Variants in PLAAT5 observed in about 807,000 individuals in gnomAD.
The protein encoded by PLAAT5 is phospholipase A and acyltransferase 5.
Under a neutral mutation model 27.8 loss-of-function variants are expected in PLAAT5, and 27 were observed. The ratio of observed to expected loss-of-function variants is 0.97; its 90% CI spans 0.72 to 1.34. The LOEUF is 1.34. Among genes scored for constraint, PLAAT5 ranks in the 40% most tolerant of loss-of-function variants. The pLI, the probability that PLAAT5 is intolerant of heterozygous loss-of-function variation, is 0.00. For synonymous variants in PLAAT5, 125 were observed against 136.1 expected (o/e 0.92, Z 0.57); for missense variants, 368 against 343.8 (o/e 1.07, Z -0.56).
intron 1 of PLAAT5, 37 bp downstream of exon 1, chr11:63,490,850 T>C (rs1461654477): frequency 4.5e-6 from 7 of 1,568,828 alleles, no homozygotes; most frequent in South Asian, 1.2e-5. Flanking sequence ...TGAAGGACAA[T>C]TGCGGATTGT....
At chr11:63,467,680 T>C (rs2120222837) in intron 4 of PLAAT5, among the ~76,000 whole-genome samples, 1 of 152,216 alleles carries the variant, frequency 6.6e-6, no homozygotes, top group Middle Eastern at 3.4e-3. Flanking sequence ...AGGCCTCATC[T>C]CCTGAGATAA....
intron 3 of PLAAT5, among the ~76,000 whole-genome samples, chr11:63,478,552 ACCTGC>A (rs2016208081): frequency 6.6e-6 from 1 of 152,160 alleles, no homozygotes; most frequent in Non-Finnish European, 1.5e-5. Context: ...CAATCTCCTG[ACCTGC>A]CCGCCTTGGC....
At chr11:63,479,815 C>G (rs2016241808) in intron 3 of PLAAT5, among the ~76,000 whole-genome samples, 1 of 152,180 alleles carries the variant, frequency 6.6e-6, no homozygotes, top group Non-Finnish European at 1.5e-5. Flanking sequence ...CGCCAGAGCT[C>G]AAATCAATCC....
chr11:63,481,944 A>G (rs2016297587), intron 3 of PLAAT5, among the ~76,000 whole-genome samples: 1 of 152,248 alleles, frequency 6.6e-6, no homozygotes, highest in Non-Finnish European at 1.5e-5. Context: ...ATTAGGAGAC[A>G]TACCTAATGC....
intron 3 of PLAAT5, among the ~76,000 whole-genome samples, chr11:63,474,035 C>A (rs2016095457): frequency 1.3e-5 from 2 of 152,134 alleles, no homozygotes; most frequent in Admixed American, 6.5e-5. Context: ...GGGTGTTACA[C>A]CAAACTTGCA....
intron 3 of PLAAT5, chr11:63,469,830 T>C (rs1276264876): frequency 6.5e-6 from 1 of 153,336 alleles, no homozygotes; most frequent in East Asian, 1.9e-4. Context: ...CTCACACTTT[T>C]AATACTAGCA....
At position 63,490,602 on chromosome 11, in the gene PLAAT5, C is replaced by T. The variant is rs2016540292; in HGVS notation, c.149-269G>A. On this transcript the variant is annotated intron_variant, in intron 1 of 5. Transcript: ENST00000540857. Reference sequence around the variant, plus strand: ...GGGCGCCTCGCCTCTATCCTAAGCCCGATGGGAGGAACCTCTGCCGAGCCA... The same window carrying T: ...GGGCGCCTCGCCTCTATCCTAAGCCTGATGGGAGGAACCTCTGCCGAGCCA... The T allele has an allele frequency of 6.5e-6, 4 of 615,958 alleles. No homozygotes were observed. In the South Asian group the frequency reaches 8.1e-5, roughly 12 times the overall value. 38.2% of individuals were successfully genotyped at this position (615,958 alleles called of 1,614,324 possible).
chr11:63,467,238 C>A (rs571435134), intron 4 of PLAAT5, among the ~76,000 whole-genome samples: 1 of 151,986 alleles, frequency 6.6e-6, no homozygotes, highest in Non-Finnish European at 1.5e-5. Flanking sequence ...GCAGAAATGG[C>A]AGAATTCATT....
chr11:63,468,435 T>A lies in PLAAT5; in HGVS notation c.376A>T (p.Ile126Phe). The A allele has an allele frequency of 6.2e-7, 1 of 1,614,092 alleles. No individual in the cohort carries two copies. The highest frequency in any genetic ancestry group is 8.5e-7 in the Non-Finnish European group (1 of 1,179,978). ...GKPRPRPGDL[I>F]EIFRIGYEHW... is the part of the protein sequence containing the mutation. ...TCATAGCCAATTCGAAAAATCTCAA[T>A]CAGGTCTCCAGGTCTGGGTCTTGGT... Residue 126 changes from isoleucine (I) to phenylalanine (F), a missense_variant, in exon 4 of 6, where the codon ATT becomes TTT. By Grantham distance (21) the Ile-to-Phe change is conservative. Transcript: ENST00000540857.
At chr11:63,485,458 G>A (rs2016411280) in intron 3 of PLAAT5, among the ~76,000 whole-genome samples, 2 of 151,996 alleles carry the variant, frequency 1.3e-5, no homozygotes, top group Admixed American at 6.6e-5. Flanking sequence ...ACAGAATAGG[G>A]AACCCAGAAA....
Position 63,462,300 on chromosome 11 carries a change from G to C in PLAAT5, c.*1203C>G, listed in dbSNP as rs547720681. On this transcript the variant is annotated 3_prime_UTR_variant, in exon 6 of 6. Transcript: ENST00000540857. ...AACTGATTCTCAGGCAGGGGAGTGT[G>C]AGAAGAAATGGGGAAGAGGAACTAG... 9 of 152,338 alleles carry C rather than the reference G, an allele frequency of 5.9e-5. No individual in the cohort carries two copies. Among genetic ancestry groups the C allele is most frequent in the African/African-American group, 2.2e-4 (9 of 41,562 alleles). 9.4% of individuals were successfully genotyped at this position (152,338 alleles called of 1,614,324 possible). A position where few individuals can be genotyped will look rare whatever the true frequency, so the allele number is the denominator to read the frequency against.
Position 63,491,006 on chromosome 11 carries a change from TC to T in PLAAT5, c.28del (p.Glu10SerfsTer62). 1.3e-6 allele frequency: 2 copies of T among 1,518,200 alleles called. No individual in the cohort carries two copies. The highest frequency in any genetic ancestry group is 1.3e-5 in the South Asian group (1 of 79,486). The allele number at this position is 1,518,200 out of a possible 1,614,324, so 94.0% of individuals were successfully genotyped here. On this transcript the variant is annotated frameshift_variant, in exon 1 of 6. Coordinates refer to ENST00000540857, the MANE Select transcript of PLAAT5 (RefSeq NM_001146729.2). LOFTEE classifies it high-confidence loss of function. ...AATCCTAGGGAGGCGGAGCGCGTAC[TC>T]CCCCTCGGCGCCCGGGCTCAGGCCC... MGLSPGAEG[E>X]YALRLPRIPP...
chr11:63,490,792 C>T (rs1482141681), intron 1 of PLAAT5, 95 bp downstream of exon 1: 1 of 1,162,282 alleles, frequency 8.6e-7, no homozygotes, highest in East Asian at 2.7e-5. Flanking sequence ...ACACAATCGC[C>T]AAATGTCTTA....
intron 5 of PLAAT5, 87 bp downstream of exon 5, chr11:63,466,022 GC>G: frequency 7.5e-7 from 1 of 1,333,844 alleles, no homozygotes; most frequent in South Asian, 1.4e-5. Context: ...TATAATGAAA[GC>G]CCTGATTACC....
At chr11:63,487,572 A>C (rs772505159) in intron 3 of PLAAT5, among the ~76,000 whole-genome samples, 5 of 152,204 alleles carry the variant, frequency 3.3e-5, no homozygotes, top group Non-Finnish European at 7.3e-5. Flanking sequence ...AAGAAAAAAA[A>C]AATGTTAAGG....
intron 3 of PLAAT5, among the ~76,000 whole-genome samples, chr11:63,474,613 C>T (rs2016110423): frequency 6.6e-6 from 1 of 151,924 alleles, no homozygotes; most frequent in Non-Finnish European, 1.5e-5. Flanking sequence ...AAAATACTAT[C>T]TTTTGGCTTC....
intron 3 of PLAAT5, among the ~76,000 whole-genome samples, chr11:63,473,706 G>GT (rs201090137): frequency 0.092 from 10,798 of 117,416 alleles, 695 homozygotes; most frequent in East Asian, 0.21. Context: ...TTTTTTTGTT[G>GT]TTTTTTTTTT....
intron 5 of PLAAT5, among the ~76,000 whole-genome samples, chr11:63,465,049 G>A (rs529953214): frequency 6.6e-6 from 1 of 152,114 alleles, no homozygotes; most frequent in African/African-American, 2.4e-5. Flanking sequence ...AGGCCGAGGC[G>A]GGTGGATCAC....
chr11:63,465,458 C>G (rs115910057), intron 5 of PLAAT5, among the ~76,000 whole-genome samples: 1,972 of 149,602 alleles, frequency 0.013, 44 homozygotes, highest in African/African-American at 0.046. Context: ...ATTTTATCAA[C>G]AGAGTATCTG....
Sources: gnomAD v4.1 joint callset for allele counts (sites outside exome capture counted in the v4.1 genomes callset) on GRCh38, gnomAD v4.1.1 for gene constraint, MANE v1.5 for transcripts, NCBI Gene and HGNC (gene_info 2026-07-23, HGNC 2026-07-21) for gene names.